Variants in METAP1 observed in about 807,000 individuals in gnomAD.
METAP1 encodes the protein methionyl aminopeptidase 1, also known as methionine aminopeptidase 1.
Under a neutral mutation model 53.8 loss-of-function variants are expected in METAP1, and 28 were observed. The observed-to-expected ratio is 0.52, with a 90% confidence interval of 0.39 to 0.71. METAP1 has a LOEUF of 0.71. Ranked by LOEUF, METAP1 falls within the 30% of genes least tolerant of loss-of-function variation. The pLI is 0.00. For synonymous variants in METAP1, 181 were observed against 165.7 expected (o/e 1.09, Z -0.71); for missense variants, 389 against 479.8 (o/e 0.81, Z 1.77).
At chr4:99,032,162 T>C (rs1226859439) in intron 2 of METAP1, among the ~76,000 whole-genome samples, 3 of 152,126 alleles carry the variant, frequency 2.0e-5, no homozygotes, top group Admixed American at 6.6e-5. Flanking sequence ...TATTCAACTT[T>C]AGTTGTCTTG....
chr4:99,002,406 C>T (rs987710548), intron 1 of METAP1, among the ~76,000 whole-genome samples: 1 of 152,240 alleles, frequency 6.6e-6, no homozygotes, highest in African/African-American at 2.4e-5. Flanking sequence ...TCCTGAACTT[C>T]GCCTGACCTC....
chr4:99,023,073 G>T (rs573720810), intron 1 of METAP1: 9 of 1,329,428 alleles, frequency 6.8e-6, no homozygotes, highest in Non-Finnish European at 7.2e-6. Flanking sequence ...CTAGTGTCTG[G>T]TCTGTCCCTT....
chr4:99,048,972 A>G (rs1726477833), intron 9 of METAP1, 96 bp downstream of exon 9: 2 of 1,376,120 alleles, frequency 1.5e-6, no homozygotes, highest in Non-Finnish European at 2.0e-6. Flanking sequence ...TATTCACTAG[A>G]GTAATCTCTT....
intron 10 of METAP1, 61 bp downstream of exon 10, chr4:99,057,879 A>G (rs1414476001): frequency 2.1e-6 from 3 of 1,413,136 alleles, no homozygotes; most frequent in Non-Finnish European, 2.9e-6. Context: ...TAGGTAATTC[A>G]TCATGTCAGT....
intron 9 of METAP1, among the ~76,000 whole-genome samples, chr4:99,054,875 G>A (rs1726982513): frequency 6.6e-6 from 1 of 152,028 alleles, no homozygotes; most frequent in African/African-American, 2.4e-5. Flanking sequence ...TCTTTACATG[G>A]GCACAGTTTG....
intron 1 of METAP1, chr4:98,997,452 C>G (rs754705070): frequency 1.3e-5 from 2 of 154,604 alleles, no homozygotes. Flanking sequence ...AGTACACGTC[C>G]TTTAGATTCT....
chr4:99,056,037 A>G (rs1296347539), intron 9 of METAP1, among the ~76,000 whole-genome samples: 1 of 152,256 alleles, frequency 6.6e-6, no homozygotes, highest in Non-Finnish European at 1.5e-5. Flanking sequence ...GATAGTGGAA[A>G]GCAGCACGAT....
intron 1 of METAP1, among the ~76,000 whole-genome samples, chr4:99,024,423 T>G (rs921159746): frequency 2.6e-5 from 4 of 151,772 alleles, no homozygotes; most frequent in African/African-American, 9.7e-5. Context: ...GGGATCAGAG[T>G]TTTTACGGAT....
rs1483712819 is a variant in METAP1, at chr4:98,995,735, C to G, written c.-19C>G. On this transcript the variant is annotated 5_prime_UTR_variant, in exon 1 of 11. Coordinates refer to ENST00000296411, the MANE Select transcript of METAP1 (RefSeq NM_015143.3). ...GCCGCCTCTTCCTCGGTGAGGCGCT[C>G]TTCCAGCGGGCAGGCAGCATGGCGG... 1.3e-6 allele frequency: 2 copies of G among 1,543,506 alleles called. No individual in the cohort carries two copies. Among genetic ancestry groups the G allele is most frequent in the African/African-American group, 1.4e-5 (1 of 72,312 alleles).
At chr4:98,996,458 G>C (rs887773502) in intron 1 of METAP1, among the ~76,000 whole-genome samples, 7 of 152,242 alleles carry the variant, frequency 4.6e-5, no homozygotes, top group Non-Finnish European at 1.0e-4. Context: ...CTTTACTACC[G>C]TGCTTTGACA....
At chr4:99,053,909 A>G (rs1265972887) in intron 9 of METAP1, among the ~76,000 whole-genome samples, 1 of 150,606 alleles carries the variant, frequency 6.6e-6, no homozygotes, top group Non-Finnish European at 1.5e-5. Flanking sequence ...TTAATTATAT[A>G]TTAATATTAT....
chr4:99,035,277 T>C, intron 3 of METAP1, 123 bp from the exon 4 acceptor site: 2 of 674,352 alleles, frequency 3.0e-6, no homozygotes, highest in Non-Finnish European at 5.2e-6. Context: ...TAATGAAATA[T>C]ATATCTGTTA....
chr4:99,026,353 G>A lies in METAP1; in HGVS notation c.115-2514G>A, dbSNP rs577719907. ...GTAGTAAAACAAAGTGCTGTTCAGC[G>A]AGTATTGAATAAGTACATGTGACAT... On this transcript the variant is annotated intron_variant, in intron 1 of 10. Transcript: ENST00000296411. 5.8e-4 allele frequency: 571 copies of A among 985,444 alleles called. 3 individuals are homozygous for A. The highest frequency in any genetic ancestry group is 6.5e-4 in the Non-Finnish European group (539 of 829,918). The allele number at this position is 985,444 out of a possible 1,614,324, so 61.0% of individuals were successfully genotyped here.
chr4:99,041,132 A>T lies in METAP1; in HGVS notation c.516+6A>T. 1 of 1,563,466 alleles carries T rather than the reference A, an allele frequency of 6.4e-7. No homozygotes were observed. The highest frequency in any genetic ancestry group is 8.7e-7 in the Non-Finnish European group (1 of 1,145,878). On this transcript the variant is annotated splice_donor_region_variant and intron_variant, in intron 6 of 10. Coordinates refer to ENST00000296411, the MANE Select transcript of METAP1 (RefSeq NM_015143.3). ...TAGATCACGCTGTACACTTAGTAAG[A>T]ACTTCACTTTTTTACTTTGAGTAAT...
At chr4:98,998,887 C>T (rs947595460) in intron 1 of METAP1, among the ~76,000 whole-genome samples, 4 of 151,732 alleles carry the variant, frequency 2.6e-5, no homozygotes, top group South Asian at 2.1e-4. Flanking sequence ...CTCGACTCAC[C>T]GCAACCTCCG....
chr4:99,034,161 C>A, intron 2 of METAP1, 69 bp from the exon 3 acceptor site: 1 of 941,948 alleles, frequency 1.1e-6, no homozygotes, highest in Non-Finnish European at 1.7e-6. Context: ...TGCTCATTAG[C>A]TTGACCACTG....
intron 1 of METAP1, among the ~76,000 whole-genome samples, chr4:99,004,394 A>C (rs1212273814): frequency 1.3e-5 from 2 of 151,206 alleles, no homozygotes; most frequent in Non-Finnish European, 3.0e-5. Flanking sequence ...CAACACTATA[A>C]CGAGACTGCA....
chr4:99,017,786 A>G (rs1723862687), intron 1 of METAP1, among the ~76,000 whole-genome samples: 3 of 152,168 alleles, frequency 2.0e-5, no homozygotes. Context: ...GCTTTCTTCC[A>G]CTAATATGGC....
rs182831592 is a variant in METAP1, at chr4:99,038,589, C to T, written c.341-785C>T. 2.3e-3 allele frequency among the ~76,000 whole-genome samples: 356 copies of T among 151,948 alleles called. 1 individual carries two copies. Among genetic ancestry groups the T allele is most frequent in the African/African-American group, 8.2e-3 (341 of 41,462 alleles). On this transcript the variant is annotated intron_variant, in intron 4 of 10. Transcript: ENST00000296411. The stretch of plus-strand genomic sequence containing the variant: ...GTTAATATTTTTATTTGGAATTTTT[C>T]CATTAGTACTTGTAAATAAGATTAG...
Sources: gnomAD v4.1 joint callset for allele counts (sites outside exome capture counted in the v4.1 genomes callset) on GRCh38, gnomAD v4.1.1 for gene constraint, MANE v1.5 for transcripts, NCBI Gene and HGNC (gene_info 2026-07-23, HGNC 2026-07-21) for gene names.